GLRA1: variants seen among roughly 807,000 people sequenced by gnomAD.
GLRA1 encodes glycine receptor subunit alpha-1.
GLRA1 carries 37 observed loss-of-function variants against 48.3 expected under a neutral mutation model. That is an observed-to-expected ratio of 0.77 (90% CI 0.59 to 1.01). The LOEUF is 1.01. Ranked by LOEUF, GLRA1 falls within the 50% of genes least tolerant of loss-of-function variation. The probability of loss-of-function intolerance (pLI) is 0.00; values close to 1 mark genes in which losing one functional copy is unlikely to be tolerated. For synonymous variants in GLRA1, 196 were observed against 210.7 expected (o/e 0.93, Z 0.60); for missense variants, 427 against 571.0 (o/e 0.75, Z 2.57).
At position 151,924,848 on chromosome 5, in the gene GLRA1, C is replaced by G; in HGVS notation, c.-299G>C. 2.4e-6 allele frequency: 1 copy of G among 418,192 alleles called. No homozygotes were observed. The highest frequency in any genetic ancestry group is 2.8e-5 in the South Asian group (1 of 35,268). 25.9% of individuals were successfully genotyped at this position (418,192 alleles called of 1,614,324 possible). On this transcript the variant is annotated 5_prime_UTR_variant, in exon 1 of 9. Coordinates refer to ENST00000274576, the MANE Select transcript of GLRA1 (RefSeq NM_000171.4). Reference sequence around the variant, plus strand: ...CAGCGTGTCTGTTGGCTCCCTGCGGCGCTGGGGAGGCACGTTTGGGGGTGG... The same window carrying G: ...CAGCGTGTCTGTTGGCTCCCTGCGGGGCTGGGGAGGCACGTTTGGGGGTGG...
intron 1 of GLRA1, among the ~76,000 whole-genome samples, chr5:151,895,848 C>T (rs1754215308): frequency 6.6e-6 from 1 of 152,132 alleles, no homozygotes; most frequent in Non-Finnish European, 1.5e-5. Context: ...GGACCACAGG[C>T]ACGCAACTAG....
chr5:151,848,260 G>C (rs968518922), intron 7 of GLRA1, among the ~76,000 whole-genome samples: 3 of 152,168 alleles, frequency 2.0e-5, no homozygotes, highest in African/African-American at 7.2e-5. Flanking sequence ...TTTCCTTTTG[G>C]GAGTCTGGAA....
At chr5:151,853,707 T>A (rs2113347476) in intron 6 of GLRA1, among the ~76,000 whole-genome samples, 1 of 152,356 alleles carries the variant, frequency 6.6e-6, no homozygotes, top group South Asian at 2.1e-4. Flanking sequence ...TTTTAATATT[T>A]ATGAAGTCAA....
At chr5:151,901,649 G>T (rs1754370826) in intron 1 of GLRA1, among the ~76,000 whole-genome samples, 1 of 152,208 alleles carries the variant, frequency 6.6e-6, no homozygotes, top group Non-Finnish European at 1.5e-5. Flanking sequence ...GAAAAAGATT[G>T]CATTAATCAG....
At chr5:151,866,505 G>A (rs892421720) in intron 3 of GLRA1, among the ~76,000 whole-genome samples, 3 of 152,160 alleles carry the variant, frequency 2.0e-5, no homozygotes, top group African/African-American at 7.2e-5. Flanking sequence ...TGGTGGGAAG[G>A]GTATGTGGAA....
Position 151,843,452 on chromosome 5 carries a change from G to A in GLRA1, c.912+7938C>T, listed in dbSNP as rs544920276. The stretch of plus-strand genomic sequence containing the variant: ...ATATTTTTGTATTTTTAGTAGAGAC[G>A]AGGTTTCACCATGTTAGTCAGGATG... On this transcript the variant is annotated intron_variant, in intron 7 of 8. Coordinates refer to ENST00000274576, the MANE Select transcript of GLRA1 (RefSeq NM_000171.4). 3.3e-5 allele frequency among the ~76,000 whole-genome samples: 5 copies of A among 151,722 alleles called. No individual in the cohort carries two copies. In the South Asian group the frequency reaches 8.3e-4, roughly 25 times the overall value.
intron 1 of GLRA1, among the ~76,000 whole-genome samples, chr5:151,912,347 T>A (rs1472585642): frequency 6.7e-6 from 1 of 150,324 alleles, no homozygotes; most frequent in Non-Finnish European, 1.5e-5. Flanking sequence ...ACTTTCTTCA[T>A]ATTTAAAATT....
chr5:151,879,714 A>T (rs1753714416), intron 3 of GLRA1, among the ~76,000 whole-genome samples: 1 of 152,084 alleles, frequency 6.6e-6, no homozygotes, highest in South Asian at 2.1e-4. Flanking sequence ...CTTGGAAGAG[A>T]CTTTGGACTG....
chr5:151,912,553 C>T (rs1419957277), intron 1 of GLRA1, among the ~76,000 whole-genome samples: 2 of 152,182 alleles, frequency 1.3e-5, no homozygotes, highest in African/African-American at 4.8e-5. Context: ...GCTGCCATAT[C>T]TAGCTCACAT....
chr5:151,824,619 C>T (rs1763226119), intron 8 of GLRA1, among the ~76,000 whole-genome samples: 1 of 152,134 alleles, frequency 6.6e-6, no homozygotes, highest in Non-Finnish European at 1.5e-5. Context: ...CTCTGAACCC[C>T]ATCTCTTGTC....
intron 7 of GLRA1, among the ~76,000 whole-genome samples, chr5:151,843,334 C>T (rs1308548474): frequency 2.0e-5 from 3 of 147,098 alleles, no homozygotes; most frequent in African/African-American, 7.5e-5. Context: ...GATCTCAGCT[C>T]ACTGCAAGCT....
At chr5:151,906,809 T>G (rs1754483323) in intron 1 of GLRA1, among the ~76,000 whole-genome samples, 1 of 152,198 alleles carries the variant, frequency 6.6e-6, no homozygotes, top group African/African-American at 2.4e-5. Context: ...ATGGTAGGAA[T>G]GGAGCCAGGT....
chr5:151,919,323 C>T (rs1390255757), intron 1 of GLRA1, among the ~76,000 whole-genome samples: 1 of 152,136 alleles, frequency 6.6e-6, no homozygotes, highest in African/African-American at 2.4e-5. Flanking sequence ...CAAACAGAAT[C>T]ATTGATAAAA....
At chr5:151,877,351 G>T (rs1006274590) in intron 3 of GLRA1, among the ~76,000 whole-genome samples, 14 of 152,154 alleles carry the variant, frequency 9.2e-5, no homozygotes, top group African/African-American at 3.1e-4. Flanking sequence ...ATTTGTTAAT[G>T]CAGGAAAGCC....
At chr5:151,874,716 TA>T (rs1753580856) in intron 3 of GLRA1, among the ~76,000 whole-genome samples, 1 of 151,986 alleles carries the variant, frequency 6.6e-6, no homozygotes, top group African/African-American at 2.4e-5. Flanking sequence ...TATTTTTAGG[TA>T]GGGGGGTGGA....
intron 3 of GLRA1, among the ~76,000 whole-genome samples, chr5:151,864,422 G>A (rs1753281115): frequency 6.6e-6 from 1 of 152,198 alleles, no homozygotes; most frequent in African/African-American, 2.4e-5. Context: ...TTCCCATAGT[G>A]AGGGTAAGAA....
chr5:151,891,479 C>G (rs776917346), intron 2 of GLRA1, among the ~76,000 whole-genome samples: 10 of 152,162 alleles, frequency 6.6e-5, no homozygotes, highest in Non-Finnish European at 1.3e-4. Context: ...ATCTCGGTAT[C>G]TGGCTCTTCT....
chr5:151,834,865 A>C (rs1214499574), intron 7 of GLRA1, among the ~76,000 whole-genome samples: 2 of 151,418 alleles, frequency 1.3e-5, no homozygotes, highest in African/African-American at 4.9e-5. Context: ...GTCTCTACTA[A>C]AAAATACAAA....
At chr5:151,911,387 C>T (rs1754603980) in intron 1 of GLRA1, among the ~76,000 whole-genome samples, 1 of 152,152 alleles carries the variant, frequency 6.6e-6, no homozygotes, top group Non-Finnish European at 1.5e-5. Context: ...CTGCTTTTTA[C>T]ACTTGTTGCT....
Sources: gnomAD v4.1 joint callset for allele counts (sites outside exome capture counted in the v4.1 genomes callset) on GRCh38, gnomAD v4.1.1 for gene constraint, MANE v1.5 for transcripts, NCBI Gene and HGNC (gene_info 2026-07-23, HGNC 2026-07-21) for gene names.